Variants in ANKS1B observed in about 807,000 individuals in gnomAD.
ANKS1B encodes ankyrin repeat and sterile alpha motif domain containing 1B, also known as ankyrin repeat and sterile alpha motif domain-containing protein 1B.
A neutral mutation model predicts 148.3 loss-of-function variants in ANKS1B; 36 were observed. The ratio of observed to expected loss-of-function variants is 0.24; its 90% CI spans 0.19 to 0.32. The LOEUF is 0.32. ANKS1B is among the 10% of genes least tolerant of loss of function. The probability of loss-of-function intolerance (pLI) is 1.00; values close to 1 mark genes in which losing one functional copy is unlikely to be tolerated. For synonymous variants in ANKS1B, 542 were observed against 560.8 expected (o/e 0.97, Z 0.47); for missense variants, 1,157 against 1,542.6 (o/e 0.75, Z 4.19).
intron 1 of ANKS1B, among the ~76,000 whole-genome samples, chr12:99,839,082 A>G (rs1246034412): frequency 2.0e-5 from 3 of 152,116 alleles, no homozygotes; most frequent in African/African-American, 7.2e-5. Flanking sequence ...TGTATAATAG[A>G]TGGTATAGTC....
intron 10 of ANKS1B, among the ~76,000 whole-genome samples, chr12:99,484,944 A>G (rs1321295468): frequency 6.6e-6 from 1 of 151,600 alleles, no homozygotes; most frequent in Non-Finnish European, 1.5e-5. Context: ...AAGACAGCCA[A>G]TATTTGGATT....
intron 1 of ANKS1B, among the ~76,000 whole-genome samples, chr12:99,861,667 T>C (rs1191576714): frequency 6.6e-6 from 1 of 152,170 alleles, no homozygotes; most frequent in East Asian, 1.9e-4. Context: ...ATGATCCCAT[T>C]GCTGTTGATA....
At chr12:99,318,421 C>A (rs867708841) in intron 12 of ANKS1B, among the ~76,000 whole-genome samples, 2 of 152,238 alleles carry the variant, frequency 1.3e-5, no homozygotes, top group South Asian at 2.1e-4. Flanking sequence ...GGAATTTATT[C>A]ATTTCTTCTA....
intron 10 of ANKS1B, among the ~76,000 whole-genome samples, chr12:99,503,760 A>G (rs959666196): frequency 6.6e-6 from 1 of 151,980 alleles, no homozygotes; most frequent in Non-Finnish European, 1.5e-5. Flanking sequence ...TTGCGACTGC[A>G]TTACCAAACC....
intron 1 of ANKS1B, among the ~76,000 whole-genome samples, chr12:99,849,471 G>A (rs1419616671): frequency 6.6e-6 from 1 of 152,062 alleles, no homozygotes; most frequent in Non-Finnish European, 1.5e-5. Context: ...ACACTGGAAA[G>A]TTACTTAGTA....
At chr12:99,293,685 A>G (rs970497081) in intron 12 of ANKS1B, among the ~76,000 whole-genome samples, 1 of 152,122 alleles carries the variant, frequency 6.6e-6, no homozygotes, top group Non-Finnish European at 1.5e-5. Flanking sequence ...GATCACATCA[A>G]GTTAAAAAGC....
chr12:99,697,141 T>C (rs561545065), intron 8 of ANKS1B, among the ~76,000 whole-genome samples: 1 of 152,226 alleles, frequency 6.6e-6, no homozygotes, highest in South Asian at 2.1e-4. Context: ...AAGTGCAAAA[T>C]GGTACAGCCA....
At chr12:99,331,392 T>A (rs774826557) in intron 12 of ANKS1B, among the ~76,000 whole-genome samples, 31 of 149,580 alleles carry the variant, frequency 2.1e-4, no homozygotes, top group Non-Finnish European at 4.1e-4. Context: ...GCAGTTTCCA[T>A]GATATTACAT....
chr12:99,893,228 G>T (rs944126659), intron 1 of ANKS1B, among the ~76,000 whole-genome samples: 15 of 152,044 alleles, frequency 9.9e-5, no homozygotes, highest in African/African-American at 3.6e-4. Flanking sequence ...GGATAACACA[G>T]TGAAACCCCG....
chr12:98,805,047 T>G (rs2099039395), intron 20 of ANKS1B, among the ~76,000 whole-genome samples: 1 of 152,200 alleles, frequency 6.6e-6, no homozygotes, highest in South Asian at 2.1e-4. Flanking sequence ...TAGGGTAGAA[T>G]TCTGTCATAT....
At chr12:98,967,691 C>T (rs1483810191) in intron 17 of ANKS1B, among the ~76,000 whole-genome samples, 1 of 111,492 alleles carries the variant, frequency 9.0e-6, no homozygotes, top group African/African-American at 4.5e-5. Context: ...GAACAATTTA[C>T]TGTGCCTTTT....
intron 1 of ANKS1B, among the ~76,000 whole-genome samples, chr12:99,903,899 A>G (rs1484782833): frequency 6.6e-6 from 1 of 150,590 alleles, no homozygotes; most frequent in African/African-American, 2.5e-5. Context: ...AATTAAAAAT[A>G]AAAAAAAATA....
chr12:98,939,407 A>G (rs1426634595), intron 17 of ANKS1B, among the ~76,000 whole-genome samples: 1 of 152,224 alleles, frequency 6.6e-6, no homozygotes. Flanking sequence ...CTAAGAAAGA[A>G]TTTGCTAAGC....
chr12:99,659,801 A>C (rs2098467473), intron 8 of ANKS1B, among the ~76,000 whole-genome samples: 1 of 152,206 alleles, frequency 6.6e-6, no homozygotes, highest in African/African-American at 2.4e-5. Context: ...ACTGATGCTC[A>C]AAATGTTACT....
At chr12:99,120,154 C>T (rs1028499347) in intron 15 of ANKS1B, among the ~76,000 whole-genome samples, 2 of 152,186 alleles carry the variant, frequency 1.3e-5, no homozygotes, top group African/African-American at 4.8e-5. Flanking sequence ...CAGACTGGGA[C>T]CATGTAGACT....
chr12:99,031,423 C>T (rs1174243604), intron 17 of ANKS1B, among the ~76,000 whole-genome samples: 1 of 152,204 alleles, frequency 6.6e-6, no homozygotes, highest in African/African-American at 2.4e-5. Flanking sequence ...CCAATTTCCT[C>T]TCTCTTGCTT....
Position 99,127,251 on chromosome 12 carries a change from C to G in ANKS1B, c.2526+27038G>C, listed in dbSNP as rs1350847279. ...AGAGGACCTGCCCTGGAGATGCTCG[C>G]TGAGGTGGCAAAGGCAACTGGACTC... On this transcript the variant is annotated intron_variant, in intron 15 of 26. Transcript: ENST00000683438. Among the ~76,000 whole-genome samples the G allele has an allele frequency of 2.0e-5, 3 of 152,250 alleles. No individual in the cohort carries two copies. In the East Asian group the frequency reaches 5.8e-4, roughly 29 times the overall value.
chr12:99,596,332 A>AC (rs989315376), intron 9 of ANKS1B, among the ~76,000 whole-genome samples: 9 of 151,506 alleles, frequency 5.9e-5, no homozygotes, highest in Non-Finnish European at 1.2e-4. Context: ...AAGGTGCATT[A>AC]CCCCAATCTC....
intron 17 of ANKS1B, among the ~76,000 whole-genome samples, chr12:98,924,933 G>A (rs1236571489): frequency 6.6e-6 from 1 of 152,190 alleles, no homozygotes; most frequent in African/African-American, 2.4e-5. Flanking sequence ...ATTTGCTAAT[G>A]CAAATGCTGA....
Sources: gnomAD v4.1 joint callset for allele counts (sites outside exome capture counted in the v4.1 genomes callset) on GRCh38, gnomAD v4.1.1 for gene constraint, MANE v1.5 for transcripts, NCBI Gene and HGNC (gene_info 2026-07-23, HGNC 2026-07-21) for gene names.